Variants in LTA observed in about 807,000 individuals in gnomAD.
LTA encodes the protein lymphotoxin-alpha.
A neutral mutation model predicts 15.1 loss-of-function variants in LTA; 6 were observed. That is an observed-to-expected ratio of 0.40 (90% CI 0.22 to 0.78). The LOEUF (loss-of-function observed/expected upper bound fraction) is 0.78, where lower values mean the gene tolerates loss of function less well. Among genes scored for constraint, LTA ranks in the 30% least tolerant of loss-of-function variants. The pLI is 0.38. For missense variants in LTA, 173 were observed against 249.5 expected (o/e 0.69, Z 2.06); for synonymous variants, 87 against 107.3 (o/e 0.81, Z 1.17).
chr6:31,572,531 C>T (rs950430926), intron 1 of LTA, 85 bp downstream of exon 1: 41 of 592,564 alleles, frequency 6.9e-5, no homozygotes, highest in Non-Finnish European at 1.1e-4. Context: ...TCTGTTTCTG[C>T]CATGATTCCT....
the LTA span, among the ~76,000 whole-genome samples, chr6:31,562,620 T>C: frequency 6.8e-6 from 1 of 147,006 alleles, no homozygotes; most frequent in Non-Finnish European, 1.5e-5. Flanking sequence ...ATCCCAGCAC[T>C]GTGGGAGGCC....
Position 31,572,354 on chromosome 6 carries a change from A to G in LTA, c.-102A>G. ...GGGCTGCCCGTGCTTCGTGCTTTGGACTACCGCCCAGCAGTGTCCTGCCCT... is the reference window on the plus strand; with the variant it reads ...GGGCTGCCCGTGCTTCGTGCTTTGGGCTACCGCCCAGCAGTGTCCTGCCCT... On this transcript the variant is annotated 5_prime_UTR_variant, in exon 1 of 4. Coordinates refer to ENST00000418386, the MANE Select transcript of LTA (RefSeq NM_000595.4). 3.1e-6 allele frequency: 1 copy of G among 318,696 alleles called. No individual in the cohort carries two copies. The highest frequency in any genetic ancestry group is 5.8e-6 in the Non-Finnish European group (1 of 171,758). The allele number at this position is 318,696 out of a possible 1,614,324, so 19.7% of individuals were successfully genotyped here.
At chr6:31,562,238 C>G in the LTA span, among the ~76,000 whole-genome samples, 4 of 151,920 alleles carry the variant, frequency 2.6e-5, no homozygotes, top group African/African-American at 7.3e-5. Flanking sequence ...TTGAGAAAAC[C>G]GTTTCCATTT....
At chr6:31,564,437 G>A in the LTA span, among the ~76,000 whole-genome samples, 6 of 152,000 alleles carry the variant, frequency 3.9e-5, no homozygotes, top group East Asian at 5.8e-4. Context: ...CCACCACCAC[G>A]CCCAGCTAAT....
chr6:31,565,544 G>A, the LTA span, among the ~76,000 whole-genome samples: 3 of 152,118 alleles, frequency 2.0e-5, no homozygotes. Flanking sequence ...CCATGCCCAG[G>A]TTTCTTTCTC....
At chr6:31,564,144 T>G in the LTA span, among the ~76,000 whole-genome samples, 1 of 152,182 alleles carries the variant, frequency 6.6e-6, no homozygotes, top group Non-Finnish European at 1.5e-5. Context: ...TGCTGGGGTT[T>G]GAGGTACAAC....
At chr6:31,570,172 A>G (rs556941904), upstream of LTA, among the ~76,000 whole-genome samples, 3 of 152,300 alleles carry the variant, frequency 2.0e-5, no homozygotes, top group Admixed American at 2.0e-4. Flanking sequence ...TATTGGCCAT[A>G]ACCCTTATGA....
chr6:31,566,337 C>T, the LTA span, among the ~76,000 whole-genome samples: 2 of 151,816 alleles, frequency 1.3e-5, no homozygotes, highest in Non-Finnish European at 2.9e-5. Flanking sequence ...AAGTGAGACT[C>T]CATCTCTTAG....
upstream of LTA, among the ~76,000 whole-genome samples, chr6:31,570,208 C>A (rs145053355): frequency 8.5e-5 from 13 of 152,182 alleles, no homozygotes; most frequent in Middle Eastern, 6.3e-3. Flanking sequence ...TCACCCCTTT[C>A]TGCCCCTACA....
At position 31,572,805 on chromosome 6, in the gene LTA, T is replaced by C. The variant is rs543675760; in HGVS notation, c.63T>C (p.Leu21=). 1.9e-6 allele frequency: 3 copies of C among 1,611,374 alleles called. No individual in the cohort carries two copies. The highest frequency in any genetic ancestry group is 2.5e-6 in the Non-Finnish European group (3 of 1,179,808). The change falls in exon 2 of 4, where the codon CTT becomes CTC. Residue 21 remains leucine, a synonymous_variant. Coordinates refer to ENST00000418386, the MANE Select transcript of LTA (RefSeq NM_000595.4). ...GTGGCACCACCCTACACCTCCTCCT[T>C]CTGGGGCTGCTGCTGGTTCTGCTGC... The part of the protein sequence containing the change: ...RVCGTTLHLL[L]LGLLLVLLPG...
At chr6:31,566,137 C>T in the LTA span, among the ~76,000 whole-genome samples, 1 of 151,490 alleles carries the variant, frequency 6.6e-6, no homozygotes, top group South Asian at 2.1e-4. Context: ...AAGATCATGC[C>T]GTAGCACTCC....
At chr6:31,573,254 AC>A in intron 3 of LTA, 26 bp from the exon 4 acceptor site, 7 of 1,586,784 alleles carry the variant, frequency 4.4e-6, no homozygotes, top group Non-Finnish European at 6.0e-6. Context: ...CTGATCTCCC[AC>A]CCCCATCCCC....
chr6:31,574,227 A>G lies in LTA; in HGVS notation c.*534A>G, dbSNP rs1583044355. ...GGCATGAGGGATCACAGGGCCCCAG[A>G]AGGCAGGGAAAGGCTCTGAAAGCCA... is the stretch of plus-strand genomic sequence containing the variant. On this transcript the variant is annotated 3_prime_UTR_variant, in exon 4 of 4. Coordinates refer to ENST00000418386, the MANE Select transcript of LTA (RefSeq NM_000595.4). 5.1e-6 allele frequency: 1 copy of G among 196,764 alleles called. No individual in the cohort carries two copies. Among genetic ancestry groups the G allele is most frequent in the African/African-American group, 2.4e-5 (1 of 41,944 alleles). 12.2% of individuals were successfully genotyped at this position (196,764 alleles called of 1,614,324 possible).
In LTA at chr6:31,572,723, T is replaced by TC; in HGVS notation, c.-9-11_-9-10insC. 6.3e-7 allele frequency: 1 copy of TC among 1,585,020 alleles called. No homozygotes were observed. The highest frequency in any genetic ancestry group is 8.6e-7 in the Non-Finnish European group (1 of 1,161,192). ...CTCACTGTCTCTCTCTCTCTCTCTC[T>TC]TTCTCTGCAGGTTCTCCCCATGACA... On this transcript the variant is annotated splice_polypyrimidine_tract_variant and intron_variant, in intron 1 of 3. Transcript: ENST00000418386.
upstream of LTA, chr6:31,572,174 T>G (rs1770863327): frequency 6.2e-6 from 1 of 160,078 alleles, no homozygotes; most frequent in Non-Finnish European, 1.4e-5. Flanking sequence ...CAGCAGTATC[T>G]TCTAAGCCCT....
chr6:31,573,324 G>A lies in LTA; in HGVS notation c.249G>A (p.Thr83=), dbSNP rs1232076950. The A allele has an allele frequency of 7.4e-6, 12 of 1,613,446 alleles. No homozygotes were observed. The highest frequency in any genetic ancestry group is 3.3e-5 in the Admixed American group (2 of 59,960). Residue 83 remains threonine (T), a synonymous_variant, in exon 4 of 4, where the codon ACG becomes ACA. Transcript: ENST00000418386. ...KQNSLLWRAN[T]DRAFLQDGFS... ...ACTCACTGCTCTGGAGAGCAAACACGGACCGTGCCTTCCTCCAGGATGGTT... is the reference window on the plus strand; with the variant it reads ...ACTCACTGCTCTGGAGAGCAAACACAGACCGTGCCTTCCTCCAGGATGGTT...
upstream of LTA, among the ~76,000 whole-genome samples, chr6:31,570,550 C>T (rs1459343783): frequency 1.3e-5 from 2 of 152,134 alleles, no homozygotes; most frequent in African/African-American, 4.8e-5. Context: ...TTAGAAACTG[C>T]TTTTTTTAAA....
the LTA span, among the ~76,000 whole-genome samples, chr6:31,560,998 G>A: frequency 1.3e-5 from 2 of 152,202 alleles, no homozygotes; most frequent in Non-Finnish European, 2.9e-5. Context: ...CATCCAGGGA[G>A]CCTCTGAGGA....
In LTA at chr6:31,572,794, C is replaced by T; in HGVS notation, c.52C>T (p.His18Tyr). 1 of 1,611,550 alleles carries T rather than the reference C, an allele frequency of 6.2e-7. No homozygotes were observed. Among genetic ancestry groups the T allele is most frequent in the Non-Finnish European group, 8.5e-7 (1 of 1,179,892 alleles). Residue 18 changes from histidine to tyrosine, a missense_variant, in exon 2 of 4, where the codon CAC becomes TAC. Transcript: ENST00000418386. ...CCCAAGGGTGTGTGGCACCACCCTA[C>T]ACCTCCTCCTTCTGGGGCTGCTGCT... ...FLPRVCGTTL[H>Y]LLLLGLLLVL...
Sources: allele counts gnomAD v4.1 joint callset (sites outside exome capture counted in the v4.1 genomes callset), GRCh38; gene constraint gnomAD v4.1.1; transcripts MANE v1.5; gene names NCBI Gene and HGNC (gene_info 2026-07-23, HGNC 2026-07-21).